The following CHN1 variants were observed in gnomAD, a reference collection of about 807,000 sequenced individuals.
The protein encoded by CHN1 is chimerin 1.
In CHN1, 37 loss-of-function variants were observed where a neutral mutation model predicts 59.5. The ratio of observed to expected loss-of-function variants is 0.62; its 90% confidence interval spans 0.48 to 0.82. The LOEUF (loss-of-function observed/expected upper bound fraction) is 0.82, where lower values mean the gene tolerates loss of function less well. CHN1 is among the 40% of genes least tolerant of loss of function. The pLI is 0.00. For missense variants in CHN1, 469 were observed against 571.0 expected (o/e 0.82, Z 1.82); for synonymous variants, 206 against 200.4 (o/e 1.03, Z -0.24).
intron 3 of CHN1, among the ~76,000 whole-genome samples, chr2:174,941,506 CT>C (rs1200844962): frequency 7.2e-5 from 11 of 152,168 alleles, no homozygotes; most frequent in South Asian, 2.1e-4. Flanking sequence ...CTGGTTCCCC[CT>C]AATCCAGTAA....
At chr2:174,846,282 A>T in intron 7 of CHN1, 1 of 1,535,066 alleles carries the variant, frequency 6.5e-7, no homozygotes, top group East Asian at 2.5e-5. Context: ...AAACCACATT[A>T]ACACAATAAT....
chr2:174,842,787 A>G (rs1224729847), intron 7 of CHN1, among the ~76,000 whole-genome samples: 1 of 152,174 alleles, frequency 6.6e-6, no homozygotes, highest in African/African-American at 2.4e-5. Flanking sequence ...CAGTAATTTT[A>G]TTAACTATTA....
rs58016502 is a variant in CHN1, at chr2:174,891,140, C to CAA, written c.261-13014_261-13013dup. 8.8e-3 allele frequency among the ~76,000 whole-genome samples: 213 copies of CAA among 24,276 alleles called. 1 individual carries two copies. The highest frequency in any genetic ancestry group is 0.05 in the Middle Eastern group (1 of 20). 15.9% of individuals were successfully genotyped at this position (24,276 alleles called of 152,430 possible). A position where few individuals can be genotyped will look rare whatever the true frequency, so the allele number is the denominator to read the frequency against. On this transcript the variant is annotated intron_variant, in intron 5 of 12. Coordinates refer to ENST00000409900, the MANE Select transcript of CHN1 (RefSeq NM_001822.7). Reference sequence around the variant, plus strand: ...TGGGCGACAGAGCAAGACTCCATCTCAAAAAAAAAAAAAAAAAAAAAAAAA... The same window carrying CAA: ...TGGGCGACAGAGCAAGACTCCATCTCAAAAAAAAAAAAAAAAAAAAAAAAAAA...
chr2:174,968,625 C>G (rs1381858637), intron 1 of CHN1, among the ~76,000 whole-genome samples: 1 of 152,178 alleles, frequency 6.6e-6, no homozygotes, highest in Non-Finnish European at 1.5e-5. Flanking sequence ...TTCCTGAGAG[C>G]AGAACCAGAA....
At chr2:174,826,730 G>A (rs1285749701) in intron 7 of CHN1, among the ~76,000 whole-genome samples, 2 of 152,204 alleles carry the variant, frequency 1.3e-5, no homozygotes, top group Non-Finnish European at 2.9e-5. Flanking sequence ...AGCAGTGAAT[G>A]TGGCATTTCA....
chr2:175,003,696 A>G (rs1021212804), intron 1 of CHN1, among the ~76,000 whole-genome samples: 2 of 152,332 alleles, frequency 1.3e-5, no homozygotes, highest in Admixed American at 6.5e-5. Flanking sequence ...GAGGATCATC[A>G]CCAAGTAAGA....
chr2:174,819,721 A>T (rs1685414904), intron 8 of CHN1, among the ~76,000 whole-genome samples: 1 of 151,822 alleles, frequency 6.6e-6, no homozygotes, highest in Non-Finnish European at 1.5e-5. Flanking sequence ...TGTGCAGGTT[A>T]GTTACATATG....
chr2:175,004,944 A>G lies in CHN1; in HGVS notation c.-32T>C. On this transcript the variant is annotated 5_prime_UTR_variant, in exon 1 of 13. Coordinates refer to ENST00000409900, the MANE Select transcript of CHN1 (RefSeq NM_001822.7). Reference sequence around the variant, plus strand: ...GGCGCTCGCCGCCGCCCGCGAGTCCAGGCGCTCCTCCCAGGCGGGCTAGGG... The same window carrying G: ...GGCGCTCGCCGCCGCCCGCGAGTCCGGGCGCTCCTCCCAGGCGGGCTAGGG... The G allele has an allele frequency of 1.3e-6, 2 of 1,523,988 alleles. No individual in the cohort carries two copies. Among genetic ancestry groups the G allele is most frequent in the Non-Finnish European group, 1.8e-6 (2 of 1,138,672 alleles). The allele number at this position is 1,523,988 out of a possible 1,614,324, so 94.4% of individuals were successfully genotyped here. A position where few individuals can be genotyped will look rare whatever the true frequency, so the allele number is the denominator to read the frequency against.
chr2:174,881,540 G>A (rs1383871840), intron 5 of CHN1, among the ~76,000 whole-genome samples: 2 of 152,202 alleles, frequency 1.3e-5, no homozygotes, highest in African/African-American at 4.8e-5. Context: ...AATATATATA[G>A]TAGGCTCGAG....
chr2:174,870,725 T>C (rs1024001031), intron 6 of CHN1, among the ~76,000 whole-genome samples: 13 of 152,232 alleles, frequency 8.5e-5, no homozygotes, highest in Admixed American at 7.2e-4. Context: ...TTTTGAAAAG[T>C]TTGATGAATA....
chr2:174,888,220 A>G (rs191323588), intron 5 of CHN1, among the ~76,000 whole-genome samples: 4 of 152,346 alleles, frequency 2.6e-5, no homozygotes, highest in Admixed American at 2.6e-4. Flanking sequence ...ACCTGGCAGC[A>G]AACAGTTATT....
chr2:174,992,156 A>G (rs1691565104), intron 1 of CHN1, among the ~76,000 whole-genome samples: 3 of 152,262 alleles, frequency 2.0e-5, no homozygotes, highest in African/African-American at 7.2e-5. Flanking sequence ...TGCAAAGACC[A>G]GTCTGCAAGT....
intron 11 of CHN1, 50 bp downstream of exon 11, chr2:174,808,855 T>C (rs1001285760): frequency 1.9e-6 from 3 of 1,596,506 alleles, no homozygotes; most frequent in Admixed American, 3.4e-5. Flanking sequence ...GGAAGGTGAT[T>C]ACCAAGAGGA....
chr2:174,849,729 G>T (rs1334526118), intron 6 of CHN1, among the ~76,000 whole-genome samples: 1 of 152,074 alleles, frequency 6.6e-6, no homozygotes, highest in Non-Finnish European at 1.5e-5. Flanking sequence ...TTTATACATA[G>T]AATCCCACTG....
In CHN1 at chr2:174,877,993, T is replaced by G. The variant is rs373885236; in HGVS notation, c.396A>C (p.Glu132Asp). The G allele has an allele frequency of 6.2e-7, 1 of 1,613,892 alleles. No individual in the cohort carries two copies. The highest frequency in any genetic ancestry group is 1.7e-5 in the Admixed American group (1 of 60,018). The change falls in exon 6 of 13, where the codon GAA (glutamate) becomes GAC (aspartate). Residue 132 changes from glutamate (E) to aspartate (D), a missense_variant. By Grantham distance (45) the Glu-to-Asp change is conservative. Transcript: ENST00000409900. The part of the protein sequence containing the change: ...ITLYIETKAA[E>D]YIAKMTINPI... ...GGTTTATCGTCATCTTGGCAATGTA[T>G]TCTGCTGCCTTGGTTTCAATATAGA... is the stretch of plus-strand genomic sequence containing the variant.
chr2:174,845,191 T>C (rs1314012285), intron 7 of CHN1, among the ~76,000 whole-genome samples: 1 of 152,216 alleles, frequency 6.6e-6, no homozygotes, highest in African/African-American at 2.4e-5. Context: ...GCATGTATAA[T>C]GAACTTGACC....
At chr2:174,895,609 T>C (rs1438556313) in intron 5 of CHN1, among the ~76,000 whole-genome samples, 2 of 152,078 alleles carry the variant, frequency 1.3e-5, no homozygotes, top group Non-Finnish European at 2.9e-5. Context: ...ACCAAAAAGA[T>C]AATCCATTGA....
intron 1 of CHN1, among the ~76,000 whole-genome samples, chr2:174,999,154 A>G (rs1365314748): frequency 2.0e-5 from 3 of 152,086 alleles, no homozygotes; most frequent in Non-Finnish European, 4.4e-5. Context: ...TAAGGATAGT[A>G]GGATTATATT....
At chr2:174,846,489 CTT>C in intron 7 of CHN1, 1 of 1,438,496 alleles carries the variant, frequency 7.0e-7, no homozygotes, top group Non-Finnish European at 9.1e-7. Context: ...GCACATGCCT[CTT>C]ATATCCAAAG....
Sources: gnomAD v4.1 joint callset for allele counts (sites outside exome capture counted in the v4.1 genomes callset) on GRCh38, gnomAD v4.1.1 for gene constraint, MANE v1.5 for transcripts, NCBI Gene and HGNC (gene_info 2026-07-23, HGNC 2026-07-21) for gene names.